MGAT1: variants seen among roughly 807,000 people sequenced by gnomAD.
The protein encoded by MGAT1 is N-glycosyl-oligosaccharide-glycoprotein N-acetylglucosaminyltransferase I.
A neutral mutation model predicts 31.7 loss-of-function variants in MGAT1; 14 were observed. That is an observed-to-expected ratio of 0.44 (90% CI 0.29 to 0.69). The LOEUF is 0.69. Ranked by LOEUF, MGAT1 falls within the 30% of genes least tolerant of loss-of-function variation. MGAT1 has a pLI of 0.12. For synonymous variants in MGAT1, 338 were observed against 276.0 expected, an observed-to-expected ratio of 1.22 and a Z score of -2.23; for missense variants, 557 against 626.0, an observed-to-expected ratio of 0.89 and a Z score of 1.18.
rs1554129987 is a variant in MGAT1 at position 180,794,226 on chromosome 5, T to TTA, written c.-126-1130_-126-1129insTA. ...AGACCCTGTCTCTACAAGTAACAAT[T>TTA]AAAAAAAAAAAAAAAAAAAGCTGGG... On this transcript the variant is annotated intron_variant, in intron 1 of 1. Transcript: ENST00000307826. 8.9e-4 allele frequency among the ~76,000 whole-genome samples: 86 copies of TTA among 96,920 alleles called. 1 individual carries two copies. The East Asian group carries it at 0.012, about 14-fold the overall frequency. The allele number at this position is 96,920 out of a possible 152,430, so 63.6% of individuals were successfully genotyped here.
Position 180,793,349 on chromosome 5 carries a change from T to C in MGAT1, c.-126-252A>G, listed in dbSNP as rs369223404. 7.0e-4 allele frequency among the ~76,000 whole-genome samples: 106 copies of C among 152,178 alleles called. 2 individuals carry two copies. In the South Asian group the frequency reaches 0.022, roughly 31 times the overall value. Reference sequence around the variant, plus strand: ...AACTCCCCTCTTTCTACCTGTCAGATTTCATTTCCCCTCCAGGTGGGAAGG... The same window carrying C: ...AACTCCCCTCTTTCTACCTGTCAGACTTCATTTCCCCTCCAGGTGGGAAGG... On this transcript the variant is annotated intron_variant, in intron 1 of 1. Coordinates refer to ENST00000307826, the MANE Select transcript of MGAT1 (RefSeq NM_002406.4).
At chr5:180,813,026 T>G (rs624335) in intron 1 of MGAT1, among the ~76,000 whole-genome samples, 1 of 152,062 alleles carries the variant, frequency 6.6e-6, no homozygotes, top group African/African-American at 2.4e-5. Context: ...TTTTGTACAT[T>G]TGGGTTGTTT....
intron 1 of MGAT1, among the ~76,000 whole-genome samples, chr5:180,799,700 A>T (rs910087487): frequency 6.6e-6 from 1 of 152,302 alleles, no homozygotes; most frequent in East Asian, 1.9e-4. Flanking sequence ...TCCAGAGATG[A>T]CCGCACATAT....
intron 1 of MGAT1, among the ~76,000 whole-genome samples, chr5:180,796,186 G>T (rs976678264): frequency 6.6e-6 from 1 of 152,080 alleles, no homozygotes; most frequent in Non-Finnish European, 1.5e-5. Context: ...CAAACCAGCA[G>T]ATCTGGTATA....
Position 180,799,828 on chromosome 5 carries a change from C to A in MGAT1, c.-127+2852G>T, listed in dbSNP as rs147496408. ...TGCTATGTGACTTGTGAGACTAACT[C>A]ATAAAAGGCAGTAGTTTCCACCTGG... is the stretch of plus-strand genomic sequence containing the variant. On this transcript the variant is annotated intron_variant, in intron 1 of 1. Transcript: ENST00000307826. Among the ~76,000 whole-genome samples the A allele has an allele frequency of 1.7e-3, 252 of 152,278 alleles. 3 individuals are homozygous for A. The highest frequency in any genetic ancestry group is 5.8e-3 in the African/African-American group (242 of 41,552).
At chr5:180,809,970 C>G (rs1772367234) in intron 1 of MGAT1, 1 of 152,290 alleles carries the variant, frequency 6.6e-6, no homozygotes, top group African/African-American at 2.4e-5. Context: ...CACTGCGACC[C>G]TTCCTGGACT....
At chr5:180,804,033 G>C (rs1483013854), upstream of MGAT1, 2 of 152,044 alleles carry the variant, frequency 1.3e-5, no homozygotes, top group African/African-American at 4.8e-5. Flanking sequence ...AATCGTGCAG[G>C]GTTCTAGAGA....
intron 1 of MGAT1, among the ~76,000 whole-genome samples, chr5:180,797,406 CA>C (rs929442972): frequency 0.073 from 3,822 of 52,388 alleles, 18 homozygotes; most frequent in East Asian, 0.15. Context: ...CATCCCCCAC[CA>C]AAAAAAAAAA....
chr5:180,811,039 T>C (rs2619733), intron 1 of MGAT1: 25,612 of 152,254 alleles, frequency 0.17, 2,465 homozygotes, highest in East Asian at 0.28. Flanking sequence ...CTCCTGAGTT[T>C]CGAACCTGCC....
chr5:180,808,997 C>G (rs189059788), exon 2 of MGAT1: 1 of 152,360 alleles, frequency 6.6e-6, no homozygotes, highest in Admixed American at 6.5e-5. Flanking sequence ...AGAACTGGCC[C>G]ATCTGTCTTG....
At chr5:180,814,173 T>A (rs1382430378) in intron 1 of MGAT1, among the ~76,000 whole-genome samples, 2 of 152,252 alleles carry the variant, frequency 1.3e-5, no homozygotes, top group Non-Finnish European at 1.5e-5. Context: ...GGCTTCTCCT[T>A]ACCCTGGCGA....
intron 1 of MGAT1, among the ~76,000 whole-genome samples, chr5:180,814,695 A>C (rs1300405809): frequency 6.6e-6 from 1 of 152,118 alleles, no homozygotes; most frequent in Non-Finnish European, 1.5e-5. Flanking sequence ...TAATCTCAGC[A>C]CTTTGGGAGG....
At position 180,798,806 on chromosome 5, in the gene MGAT1, C is replaced by T. The variant is rs1256549456; in HGVS notation, c.-127+3874G>A. ...CATGGTGGCTTATGCCATGCTGCTTCTGATCTTCCACTACAGAGTAAATTC... is the reference window on the plus strand; with the variant it reads ...CATGGTGGCTTATGCCATGCTGCTTTTGATCTTCCACTACAGAGTAAATTC... On this transcript the variant is annotated intron_variant, in intron 1 of 1. Transcript: ENST00000307826. Among the ~76,000 whole-genome samples the T allele has an allele frequency of 2.6e-5, 4 of 152,228 alleles. No individual in the cohort carries two copies. In the East Asian group the frequency reaches 7.7e-4, roughly 29 times the overall value.
chr5:180,795,277 G>T (rs1187979987), intron 1 of MGAT1: 2 of 141,906 alleles, frequency 1.4e-5, no homozygotes, highest in African/African-American at 5.1e-5. Context: ...ACTTTTACAG[G>T]TATATATATA....
chr5:180,790,331 C>T lies in MGAT1; in HGVS notation c.*1303G>A, dbSNP rs755113862. On this transcript the variant is annotated 3_prime_UTR_variant, in exon 2 of 2. Coordinates refer to ENST00000307826, the MANE Select transcript of MGAT1 (RefSeq NM_002406.4). ...CAGGACGATCAGCAGGAGCACAGTC[C>T]GGGGCTCCTCTCCACCTTGTGGCCT... is the stretch of plus-strand genomic sequence containing the variant. 3.3e-5 allele frequency: 5 copies of T among 152,324 alleles called. No individual in the cohort carries two copies. Among genetic ancestry groups the T allele is most frequent in the South Asian group, 2.1e-4 (1 of 4,830 alleles). 9.4% of individuals were successfully genotyped at this position (152,324 alleles called of 1,614,324 possible). A position where few individuals can be genotyped will look rare whatever the true frequency, so the allele number is the denominator to read the frequency against.
intron 1 of MGAT1, among the ~76,000 whole-genome samples, chr5:180,798,350 CCTAT>C (rs1358341691): frequency 6.6e-6 from 1 of 152,184 alleles, no homozygotes; most frequent in Non-Finnish European, 1.5e-5. Context: ...TCTGCTCTTC[CCTAT>C]CTTCTTCACC....
rs377739137 is a variant in MGAT1 at position 180,799,092 on chromosome 5, C to T, written c.-127+3588G>A. ...TCACAAACCTTCCCAACAGCAACAG[C>T]GCATCCTTCCTGACAAGTACACCTG... On this transcript the variant is annotated intron_variant, in intron 1 of 1. Transcript: ENST00000307826. Among the ~76,000 whole-genome samples the T allele has an allele frequency of 7.9e-5, 12 of 152,188 alleles. No homozygotes were observed. The South Asian group carries it at 8.3e-4, about 11-fold the overall frequency.
chr5:180,793,885 C>T, intron 1 of MGAT1, among the ~76,000 whole-genome samples: 1 of 152,086 alleles, frequency 6.6e-6, no homozygotes, highest in East Asian at 1.9e-4. Context: ...CTTATGTGAA[C>T]AAAACTATCA....
chr5:180,793,004 A>AC lies in MGAT1; in HGVS notation c.-34dup. The AC allele has an allele frequency of 6.2e-7, 1 of 1,610,510 alleles. No individual in the cohort carries two copies. The highest frequency in any genetic ancestry group is 8.5e-7 in the Non-Finnish European group (1 of 1,179,126). On this transcript the variant is annotated 5_prime_UTR_variant, in exon 2 of 2. Coordinates refer to ENST00000307826, the MANE Select transcript of MGAT1 (RefSeq NM_002406.4). ...CCCACCGGGGAGGGCAGGCCAGGGG[A>AC]CGGTTCAAGGCTGCCCTGGGCTTGC... is the stretch of plus-strand genomic sequence containing the variant.
Sources: gnomAD v4.1 joint callset for allele counts (sites outside exome capture counted in the v4.1 genomes callset) on GRCh38, gnomAD v4.1.1 for gene constraint, MANE v1.5 for transcripts, NCBI Gene and HGNC (gene_info 2026-07-23, HGNC 2026-07-21) for gene names.